TMEM132D: variants seen among roughly 807,000 people sequenced by gnomAD.
TMEM132D encodes mature OL transmembrane protein.
In TMEM132D, 21 loss-of-function variants were observed where a neutral mutation model predicts 62.3. The observed-to-expected ratio is 0.34, with a 90% CI of 0.24 to 0.49. The LOEUF is 0.49. Among genes scored for constraint, TMEM132D ranks in the 20% least tolerant of loss-of-function variants. TMEM132D has a pLI of 0.99. For synonymous variants in TMEM132D, 621 were observed against 575.6 expected, an observed-to-expected ratio of 1.08 and a Z score of -1.13; for missense variants, 1,346 against 1,402.8, an observed-to-expected ratio of 0.96 and a Z score of 0.65.
At chr12:129,757,548 C>A (rs899157145) in intron 1 of TMEM132D, among the ~76,000 whole-genome samples, 1 of 152,158 alleles carries the variant, frequency 6.6e-6, no homozygotes, top group Admixed American at 6.5e-5. Context: ...CCAAACTTCA[C>A]GTGCCCAAAG....
intron 2 of TMEM132D, among the ~76,000 whole-genome samples, chr12:129,553,213 C>A (rs1566107560): frequency 1.3e-5 from 2 of 152,144 alleles, no homozygotes; most frequent in Non-Finnish European, 2.9e-5. Flanking sequence ...CTCACCACTG[C>A]TGCCCCGATG....
intron 4 of TMEM132D, among the ~76,000 whole-genome samples, chr12:129,292,761 C>T (rs925428844): frequency 1.3e-5 from 2 of 151,954 alleles, no homozygotes; most frequent in African/African-American, 2.4e-5. Context: ...TATGCCATTG[C>T]GTGGGATGAG....
chr12:129,180,839 C>T (rs1458925739), intron 5 of TMEM132D, among the ~76,000 whole-genome samples: 3 of 151,886 alleles, frequency 2.0e-5, no homozygotes, highest in South Asian at 2.1e-4. Flanking sequence ...GCAAGGGGAA[C>T]GTGGTACGAG....
intron 2 of TMEM132D, among the ~76,000 whole-genome samples, chr12:129,552,614 T>C (rs887579922): frequency 4.1e-5 from 6 of 147,446 alleles, no homozygotes; most frequent in Admixed American, 2.1e-4. Context: ...TTATTTATCA[T>C]CTATTATTTA....
chr12:129,709,405 G>T (rs1007619669), intron 1 of TMEM132D, among the ~76,000 whole-genome samples: 1 of 152,170 alleles, frequency 6.6e-6, no homozygotes, highest in Admixed American at 6.6e-5. Context: ...TATTAGAATA[G>T]ACAAGGAAAT....
chr12:129,084,752 C>A (rs529692004), intron 5 of TMEM132D, 50 bp from the exon 6 acceptor site: 1 of 1,577,070 alleles, frequency 6.3e-7, no homozygotes, highest in Non-Finnish European at 8.7e-7. Flanking sequence ...GCTTTCATCC[C>A]GTTGCATGGC....
In TMEM132D at chr12:129,698,485, T is replaced by A. The variant is rs571173653; in HGVS notation, c.968+1325A>T. On this transcript the variant is annotated intron_variant, in intron 2 of 8. Coordinates refer to ENST00000422113, the MANE Select transcript of TMEM132D (RefSeq NM_133448.3). ...AGAATCAAAACGGTGATTTATTTTCTTAAACTCATCCACCCTTTAAACATA... is the reference window on the plus strand; with the variant it reads ...AGAATCAAAACGGTGATTTATTTTCATAAACTCATCCACCCTTTAAACATA... 2.2e-5 allele frequency among the ~76,000 whole-genome samples: 3 copies of A among 135,160 alleles called. No homozygotes were observed. In the South Asian group the frequency reaches 7.9e-4, roughly 36 times the overall value. The allele number at this position is 135,160 out of a possible 152,430, so 88.7% of individuals were successfully genotyped here.
intron 1 of TMEM132D, among the ~76,000 whole-genome samples, chr12:129,847,297 C>T (rs955855989): frequency 2.6e-5 from 4 of 152,214 alleles, no homozygotes; most frequent in Non-Finnish European, 4.4e-5. Flanking sequence ...TTGCTTACCT[C>T]CTCAGCCTCT....
intron 2 of TMEM132D, among the ~76,000 whole-genome samples, chr12:129,597,932 T>TA (rs924161935): frequency 2.6e-4 from 40 of 151,660 alleles, no homozygotes; most frequent in African/African-American, 8.2e-4. Flanking sequence ...AACAGGAGTT[T>TA]AAAAAAAACA....
intron 3 of TMEM132D, among the ~76,000 whole-genome samples, chr12:129,427,566 GAAAT>G (rs1337965049): frequency 6.6e-6 from 1 of 151,996 alleles, no homozygotes; most frequent in Middle Eastern, 3.2e-3. Flanking sequence ...TAAAAATAAA[GAAAT>G]AAATAAATAA....
At chr12:129,188,090 C>G (rs963911914) in intron 5 of TMEM132D, among the ~76,000 whole-genome samples, 3 of 152,254 alleles carry the variant, frequency 2.0e-5, no homozygotes, top group Non-Finnish European at 4.4e-5. Context: ...CTCTTTGCAA[C>G]AGAACTCTGC....
intron 1 of TMEM132D, among the ~76,000 whole-genome samples, chr12:129,702,480 A>G (rs1881406340): frequency 6.6e-6 from 1 of 152,232 alleles, no homozygotes; most frequent in Admixed American, 6.5e-5. Context: ...GAGACAAAGA[A>G]TATTTCAGCC....
chr12:129,575,656 T>G (rs115574458), intron 2 of TMEM132D, among the ~76,000 whole-genome samples: 1 of 151,778 alleles, frequency 6.6e-6, no homozygotes, highest in African/African-American at 2.4e-5. Context: ...GACTTTTTAA[T>G]GAAAGACAAA....
intron 3 of TMEM132D, among the ~76,000 whole-genome samples, chr12:129,407,429 G>A (rs561775336): frequency 6.6e-6 from 1 of 152,246 alleles, no homozygotes; most frequent in African/African-American, 2.4e-5. Flanking sequence ...AAGTCACCAG[G>A]TGGAGCTTTA....
At chr12:129,402,225 G>A (rs141592752) in intron 3 of TMEM132D, among the ~76,000 whole-genome samples, 1 of 152,278 alleles carries the variant, frequency 6.6e-6, no homozygotes, top group African/African-American at 2.4e-5. Context: ...TGAGAGTCTT[G>A]GTTATGAACT....
chr12:129,789,218 C>T (rs1871330555), intron 1 of TMEM132D, among the ~76,000 whole-genome samples: 1 of 152,040 alleles, frequency 6.6e-6, no homozygotes, highest in African/African-American at 2.4e-5. Flanking sequence ...CACCCTCGTC[C>T]CACCCATCCC....
At chr12:129,296,236 T>C (rs900748673) in intron 4 of TMEM132D, among the ~76,000 whole-genome samples, 1 of 152,216 alleles carries the variant, frequency 6.6e-6, no homozygotes, top group African/African-American at 2.4e-5. Flanking sequence ...AACACTCTTC[T>C]GATTGCTTTT....
At chr12:129,802,765 C>A (rs1471392506) in intron 1 of TMEM132D, among the ~76,000 whole-genome samples, 1 of 151,286 alleles carries the variant, frequency 6.6e-6, no homozygotes, top group Non-Finnish European at 1.5e-5. Context: ...AGAGTCAAGA[C>A]CCATCAGTGT....
At chr12:129,291,040 G>T (rs1316252800) in intron 4 of TMEM132D, among the ~76,000 whole-genome samples, 1 of 152,130 alleles carries the variant, frequency 6.6e-6, no homozygotes, top group African/African-American at 2.4e-5. Flanking sequence ...TCCTGGACAT[G>T]AATATTAAAG....
Sources: gnomAD v4.1 joint callset for allele counts (sites outside exome capture counted in the v4.1 genomes callset) on GRCh38, gnomAD v4.1.1 for gene constraint, MANE v1.5 for transcripts, NCBI Gene and HGNC (gene_info 2026-07-23, HGNC 2026-07-21) for gene names.